Variants in LUZP2 observed in about 807,000 individuals in gnomAD.
The protein encoded by LUZP2 is leucine zipper protein 2.
In LUZP2, 52 loss-of-function variants were observed where a neutral mutation model predicts 51.6. That is an observed-to-expected ratio of 1.01 (90% confidence interval 0.81 to 1.27). The LOEUF (loss-of-function observed/expected upper bound fraction) is 1.27, where lower values mean the gene tolerates loss of function less well. Among genes scored for constraint, LUZP2 ranks in the 50% most tolerant of loss-of-function variants. The pLI is 0.00. For missense variants in LUZP2, 436 were observed against 395.4 expected (o/e 1.10, Z -0.87); for synonymous variants, 154 against 137.3 (o/e 1.12, Z -0.85).
chr11:24,901,860 C>A (rs1853291666), intron 5 of LUZP2, among the ~76,000 whole-genome samples: 1 of 152,208 alleles, frequency 6.6e-6, no homozygotes, highest in Non-Finnish European at 1.5e-5. Context: ...GAGTCGAGTC[C>A]CATCTCTCTC....
At chr11:24,612,776 A>G (rs1015554678) in intron 1 of LUZP2, among the ~76,000 whole-genome samples, 1 of 152,118 alleles carries the variant, frequency 6.6e-6, no homozygotes, top group Admixed American at 6.5e-5. Flanking sequence ...CTGTGCAGAC[A>G]GATTATAAGA....
intron 1 of LUZP2, among the ~76,000 whole-genome samples, chr11:24,552,821 T>G (rs1329501181): frequency 6.6e-6 from 1 of 151,740 alleles, no homozygotes; most frequent in East Asian, 1.9e-4. Flanking sequence ...TTAGATAATA[T>G]GACAGATTAA....
Position 24,583,777 on chromosome 11 carries a change from C to T in LUZP2, c.62+86472C>T, listed in dbSNP as rs1173736452. Among the ~76,000 whole-genome samples the T allele has an allele frequency of 4.6e-5, 7 of 150,886 alleles. No individual in the cohort carries two copies. In the East Asian group the frequency reaches 1.4e-3, roughly 30 times the overall value. ...GGAGCTCAGTGGGGCGATCTCGGCT[C>T]ACTGCAAACTCTGCCTTCCGGGTTC... On this transcript the variant is annotated intron_variant, in intron 1 of 11. Coordinates refer to ENST00000336930, the MANE Select transcript of LUZP2 (RefSeq NM_001009909.4).
intron 10 of LUZP2, among the ~76,000 whole-genome samples, chr11:25,062,053 C>T (rs1565297654): frequency 2.1e-5 from 3 of 145,896 alleles, no homozygotes; most frequent in South Asian, 2.1e-4. Flanking sequence ...CAGTCATACC[C>T]CTCAAGAAAA....
Position 24,774,362 on chromosome 11 carries a change from C to CTCTCTCTCTCTCTCTCTCTCTCTA in LUZP2, c.396+11055_396+11056insCTCTCTCTCTCTCTCTCTCTCTAT, listed in dbSNP as rs776739280. ...TCTCTCTCTCTCTCTCTCTCTCTCT[C>CTCTCTCTCTCTCTCTCTCTCTCTA]TATATATATATATATATATACATAC... On this transcript the variant is annotated intron_variant, in intron 5 of 11. Transcript: ENST00000336930. 1.8e-4 allele frequency among the ~76,000 whole-genome samples: 14 copies of CTCTCTCTCTCTCTCTCTCTCTCTA among 76,340 alleles called. No homozygotes were observed. In the South Asian group the frequency reaches 1.9e-3, roughly 10 times the overall value. The allele number at this position is 76,340 out of a possible 152,430, so 50.1% of individuals were successfully genotyped here.
chr11:24,584,031 T>G lies in LUZP2; in HGVS notation c.62+86726T>G, dbSNP rs150854177. Among the ~76,000 whole-genome samples, 586 of 152,228 alleles carry G rather than the reference T, an allele frequency of 3.8e-3. 4 individuals carry two copies. The highest frequency in any genetic ancestry group is 0.013 in the African/African-American group (549 of 41,546). ...CTGACCTACCTTGCTTTTAAATTGT[T>G]TTTAATTTTGTTATTTTATTCTTTC... On this transcript the variant is annotated intron_variant, in intron 1 of 11. Coordinates refer to ENST00000336930, the MANE Select transcript of LUZP2 (RefSeq NM_001009909.4).
At chr11:24,924,481 A>G (rs1048202671) in intron 7 of LUZP2, among the ~76,000 whole-genome samples, 6 of 152,194 alleles carry the variant, frequency 3.9e-5, no homozygotes, top group African/African-American at 1.4e-4. Context: ...GAAGAAGCAC[A>G]GATCACAGAT....
At chr11:24,985,563 C>G (rs1856165330) in intron 9 of LUZP2, among the ~76,000 whole-genome samples, 1 of 151,652 alleles carries the variant, frequency 6.6e-6, no homozygotes, top group Non-Finnish European at 1.5e-5. Context: ...CTTTATGTCA[C>G]CAACACTGAA....
rs1042130663 is a variant in LUZP2 at position 25,029,880 on chromosome 11, T to A, written c.766-20158T>A. On this transcript the variant is annotated intron_variant, in intron 9 of 11. Transcript: ENST00000336930. ...TTGTTTTGTGATACATTTTATTTTATAGAAGTATAAACAATTGCCATGTCA... is the reference window on the plus strand; with the variant it reads ...TTGTTTTGTGATACATTTTATTTTAAAGAAGTATAAACAATTGCCATGTCA... 5.9e-5 allele frequency among the ~76,000 whole-genome samples: 9 copies of A among 152,276 alleles called. No individual in the cohort carries two copies. The South Asian group carries it at 8.3e-4, about 14-fold the overall frequency.
intron 9 of LUZP2, among the ~76,000 whole-genome samples, chr11:25,034,278 GT>G (rs1565259842): frequency 1.3e-5 from 2 of 151,880 alleles, no homozygotes; most frequent in East Asian, 1.9e-4. Context: ...AGGGTTATTT[GT>G]TTTTTGCCTG....
chr11:24,834,042 C>T (rs1446789525), intron 5 of LUZP2, among the ~76,000 whole-genome samples: 1 of 151,964 alleles, frequency 6.6e-6, no homozygotes, highest in Non-Finnish European at 1.5e-5. Context: ...TAAAGTGTTA[C>T]ATTTTATTGA....
chr11:24,926,900 A>T (rs1427408169), intron 7 of LUZP2, among the ~76,000 whole-genome samples: 1 of 151,382 alleles, frequency 6.6e-6, no homozygotes, highest in East Asian at 1.9e-4. Context: ...CACACCAACA[A>T]CTATTTTTTT....
At chr11:24,956,686 G>A (rs1024873001) in intron 7 of LUZP2, among the ~76,000 whole-genome samples, 57 of 152,040 alleles carry the variant, frequency 3.7e-4, no homozygotes, top group Admixed American at 3.9e-4. Context: ...TCTTATGTTT[G>A]GGTAGAAAAC....
chr11:24,585,329 C>T (rs1375098941), intron 1 of LUZP2, among the ~76,000 whole-genome samples: 2 of 152,170 alleles, frequency 1.3e-5, no homozygotes, highest in Admixed American at 6.6e-5. Context: ...CTGTATTTGA[C>T]TGGACCTGTC....
At chr11:24,605,499 C>A (rs1022571072) in intron 1 of LUZP2, among the ~76,000 whole-genome samples, 1 of 151,394 alleles carries the variant, frequency 6.6e-6, no homozygotes, top group Non-Finnish European at 1.5e-5. Flanking sequence ...ATGAATATAT[C>A]TCAATATTTT....
intron 1 of LUZP2, among the ~76,000 whole-genome samples, chr11:24,529,663 G>A (rs767090583): frequency 2.0e-5 from 3 of 150,886 alleles, no homozygotes; most frequent in Non-Finnish European, 3.0e-5. Flanking sequence ...GGTCACTGGT[G>A]ACACTCTAGC....
chr11:25,007,948 C>G (rs1856879006), intron 9 of LUZP2, among the ~76,000 whole-genome samples: 1 of 152,156 alleles, frequency 6.6e-6, no homozygotes, highest in Admixed American at 6.5e-5. Context: ...TGAACAGAAA[C>G]AGTTCCTTTT....
chr11:25,029,757 A>T (rs1857592310), intron 9 of LUZP2, among the ~76,000 whole-genome samples: 1 of 148,740 alleles, frequency 6.7e-6, no homozygotes, highest in Non-Finnish European at 1.5e-5. Flanking sequence ...AAAAAAGTAT[A>T]ATTATTTCAA....
chr11:24,620,757 A>T (rs1019776009), intron 1 of LUZP2, among the ~76,000 whole-genome samples: 2 of 152,232 alleles, frequency 1.3e-5, no homozygotes, highest in Non-Finnish European at 2.9e-5. Flanking sequence ...ACACACTCTC[A>T]CACACATACA....
Sources: allele counts gnomAD v4.1 joint callset (sites outside exome capture counted in the v4.1 genomes callset), GRCh38; gene constraint gnomAD v4.1.1; transcripts MANE v1.5; gene names NCBI Gene and HGNC (gene_info 2026-07-23, HGNC 2026-07-21).